Variants in PTPRT observed in about 807,000 individuals in gnomAD.
PTPRT encodes the protein receptor-type tyrosine-protein phosphatase T.
Under a neutral mutation model 176.8 loss-of-function variants are expected in PTPRT, and 56 were observed. The observed-to-expected ratio is 0.32, with a 90% CI of 0.26 to 0.40. The LOEUF (loss-of-function observed/expected upper bound fraction) is 0.40, where lower values mean the gene tolerates loss of function less well. PTPRT is among the 10% of genes least tolerant of loss of function. PTPRT has a pLI of 1.00. For missense variants in PTPRT, 1,540 were observed against 1,908.2 expected (o/e 0.81, Z 3.60); for synonymous variants, 783 against 739.0 (o/e 1.06, Z -0.96).
intron 5 of PTPRT, among the ~76,000 whole-genome samples, chr20:42,759,404 G>A (rs1056826067): frequency 2.6e-5 from 4 of 152,286 alleles, no homozygotes; most frequent in East Asian, 1.9e-4. Flanking sequence ...GGTGGCTCAC[G>A]CCTGTAATCC....
intron 2 of PTPRT, among the ~76,000 whole-genome samples, chr20:42,805,753 TG>T (rs1385025326): frequency 1.3e-5 from 2 of 152,190 alleles, no homozygotes; most frequent in African/African-American, 4.8e-5. Context: ...GATCTATGAA[TG>T]GTGTATTTTC....
At chr20:42,652,035 G>A (rs376305758) in intron 7 of PTPRT, among the ~76,000 whole-genome samples, 4 of 149,766 alleles carry the variant, frequency 2.7e-5, no homozygotes, top group South Asian at 2.1e-4. Flanking sequence ...GCAACAGAGC[G>A]AGACTCCACC....
At chr20:42,384,934 A>T (rs922422875) in intron 9 of PTPRT, among the ~76,000 whole-genome samples, 1 of 151,966 alleles carries the variant, frequency 6.6e-6, no homozygotes, top group African/African-American at 2.4e-5. Flanking sequence ...CAATCAGGTT[A>T]TTTGTTTTCT....
chr20:42,230,370 A>G (rs1222157362), intron 15 of PTPRT, among the ~76,000 whole-genome samples: 1 of 152,204 alleles, frequency 6.6e-6, no homozygotes, highest in Non-Finnish European at 1.5e-5. Flanking sequence ...CTCAAGAACT[A>G]CTACAGTAAA....
intron 1 of PTPRT, among the ~76,000 whole-genome samples, chr20:43,050,723 G>T (rs1347028032): frequency 1.3e-5 from 2 of 152,206 alleles, no homozygotes; most frequent in Non-Finnish European, 2.9e-5. Context: ...AAATGTTGGT[G>T]TGCATAGCAA....
chr20:42,206,066 G>A (rs533498597), intron 15 of PTPRT, among the ~76,000 whole-genome samples: 1 of 152,280 alleles, frequency 6.6e-6, no homozygotes, highest in South Asian at 2.1e-4. Flanking sequence ...GTTCAGGAAT[G>A]TGGACACCTG....
chr20:42,108,899 A>C (rs1317972495), intron 23 of PTPRT, among the ~76,000 whole-genome samples: 1 of 152,238 alleles, frequency 6.6e-6, no homozygotes, highest in African/African-American at 2.4e-5. Context: ...GCGTAGAGCC[A>C]TCATGCGCCG....
chr20:42,145,242 C>A (rs886560184), intron 17 of PTPRT, among the ~76,000 whole-genome samples: 2 of 152,202 alleles, frequency 1.3e-5, no homozygotes, highest in East Asian at 1.9e-4. Context: ...TGGCTCACGC[C>A]TGTAATCCCA....
chr20:42,084,730 C>A lies in PTPRT; in HGVS notation c.4088G>T (p.Trp1363Leu). 2 of 1,570,190 alleles carry A rather than the reference C, an allele frequency of 1.3e-6. No homozygotes were observed. The highest frequency in any genetic ancestry group is 1.8e-5 in the Admixed American group (1 of 56,706). Residue 1363 changes from tryptophan to leucine, a missense_variant, in exon 29 of 31, where the codon TGG becomes TTG. Transcript: ENST00000373187. ...LLKVVRRLEK[W>L]QEQYDGREGR... The stretch of plus-strand genomic sequence containing the variant: ...CTCCCTCCCGTCATACTGCTCCTGC[C>A]ACTTCTCCAGTCGTCGGACCACTTT...
chr20:43,070,968 TAAAAAAAAAA>T (rs11474990), intron 1 of PTPRT, among the ~76,000 whole-genome samples: 3 of 122,888 alleles, frequency 2.4e-5, no homozygotes, highest in Non-Finnish European at 5.0e-5. Flanking sequence ...AAAGTATAAT[TAAAAAAAAAA>T]AAAAAAAAAG....
intron 2 of PTPRT, among the ~76,000 whole-genome samples, chr20:42,874,540 AT>A (rs1242528230): frequency 2.0e-5 from 3 of 152,254 alleles, no homozygotes; most frequent in Non-Finnish European, 2.9e-5. Context: ...ATACAATTTA[AT>A]TACACATACA....
intron 3 of PTPRT, among the ~76,000 whole-genome samples, chr20:42,788,569 G>A (rs1266332754): frequency 6.6e-6 from 1 of 152,306 alleles, no homozygotes; most frequent in South Asian, 2.1e-4. Flanking sequence ...CAGGCTGCTT[G>A]CAGATCTCCA....
At chr20:42,199,430 TG>T in intron 15 of PTPRT, 42 bp from the exon 16 acceptor site, 2 of 1,601,162 alleles carry the variant, frequency 1.2e-6, no homozygotes, top group Non-Finnish European at 1.7e-6. Context: ...AGTCAGATGG[TG>T]CCAGTTGCAT....
chr20:43,095,552 G>A (rs941645921), intron 1 of PTPRT, among the ~76,000 whole-genome samples: 29 of 150,792 alleles, frequency 1.9e-4, no homozygotes, highest in African/African-American at 7.1e-4. Flanking sequence ...CAGCCCCCCG[G>A]CTATCTCTCA....
At chr20:43,051,008 T>C (rs894393708) in intron 1 of PTPRT, among the ~76,000 whole-genome samples, 7 of 152,214 alleles carry the variant, frequency 4.6e-5, no homozygotes, top group African/African-American at 1.7e-4. Flanking sequence ...TGACAAATTG[T>C]ACAAGTGACA....
chr20:42,054,077 G>A, the PTPRT span, among the ~76,000 whole-genome samples: 1 of 152,140 alleles, frequency 6.6e-6, no homozygotes, highest in Non-Finnish European at 1.5e-5. Context: ...TATATTGGCT[G>A]GAATTGCCAC....
intron 6 of PTPRT, among the ~76,000 whole-genome samples, chr20:42,716,602 GT>G (rs1178629000): frequency 3.3e-5 from 5 of 151,924 alleles, no homozygotes; most frequent in Middle Eastern, 6.9e-3. Flanking sequence ...GGGGTTGTTT[GT>G]TTTTTTCTTG....
rs62205782 is a variant in PTPRT, at chr20:42,526,205, C to A, written c.1154-53643G>T. ...ACTCTCTTAATTTCTGCAGCAAATT[C>A]TTGTGTTCTATCTGGATTTTTTCTC... is the stretch of plus-strand genomic sequence containing the variant. On this transcript the variant is annotated intron_variant, in intron 7 of 30. Transcript: ENST00000373187. 7.9e-3 allele frequency among the ~76,000 whole-genome samples: 1,197 copies of A among 152,174 alleles called. 11 individuals are homozygous for A. The highest frequency in any genetic ancestry group is 0.014 in the Middle Eastern group (4 of 292).
intron 1 of PTPRT, among the ~76,000 whole-genome samples, chr20:43,095,720 CCTCT>C (rs142590142): frequency 1.6e-4 from 18 of 114,676 alleles, no homozygotes; most frequent in South Asian, 3.0e-4. Flanking sequence ...TCTGTTTCTT[CCTCT>C]CTCTCTCTCT....
Sources: allele counts gnomAD v4.1 joint callset (sites outside exome capture counted in the v4.1 genomes callset), GRCh38; gene constraint gnomAD v4.1.1; transcripts MANE v1.5; gene names NCBI Gene and HGNC (gene_info 2026-07-23, HGNC 2026-07-21).